ACOXL: variants seen among roughly 807,000 people sequenced by gnomAD.
ACOXL encodes acyl-CoA oxidase like.
Under a neutral mutation model 71.9 loss-of-function variants are expected in ACOXL, and 70 were observed. The ratio of observed to expected loss-of-function variants is 0.97; its 90% CI spans 0.80 to 1.19. The LOEUF is 1.19. Ranked by LOEUF, ACOXL falls within the 50% of genes most tolerant of loss-of-function variation. ACOXL has a pLI of 0.00. For missense variants in ACOXL, 703 were observed against 736.3 expected (o/e 0.95, Z 0.52); for synonymous variants, 253 against 281.6 (o/e 0.90, Z 1.02).
chr2:110,959,463 CCTT>C (rs891165327), intron 12 of ACOXL, among the ~76,000 whole-genome samples: 1 of 152,180 alleles, frequency 6.6e-6, no homozygotes, highest in African/African-American at 2.4e-5. Context: ...CTGGTTTCCT[CCTT>C]CTCCACTTCC....
chr2:110,746,936 A>G (rs571414645), intron 1 of ACOXL, among the ~76,000 whole-genome samples: 85 of 152,238 alleles, frequency 5.6e-4, no homozygotes, highest in African/African-American at 2.0e-3. Context: ...TACTTAGGTC[A>G]TAAGTCAAAT....
chr2:111,088,678 G>A (rs1245689300), intron 16 of ACOXL, among the ~76,000 whole-genome samples: 5 of 152,038 alleles, frequency 3.3e-5, no homozygotes, highest in South Asian at 4.1e-4. Context: ...CATAACTATC[G>A]GGTACTAGGC....
chr2:110,827,899 ATCT>A (rs753739359), intron 9 of ACOXL, among the ~76,000 whole-genome samples: 8 of 152,212 alleles, frequency 5.3e-5, no homozygotes, highest in Non-Finnish European at 1.2e-4. Context: ...TTGCTAAATA[ATCT>A]TCTTAACTGC....
chr2:111,108,371 CTTT>C (rs1225889982), intron 17 of ACOXL, among the ~76,000 whole-genome samples: 2 of 71,036 alleles, frequency 2.8e-5, no homozygotes, highest in East Asian at 4.8e-4. Context: ...GTGCATGAAT[CTTT>C]TTTTTTTTTT....
At chr2:110,955,441 TCTC>T (rs2061463786) in intron 12 of ACOXL, among the ~76,000 whole-genome samples, 1 of 150,606 alleles carries the variant, frequency 6.6e-6, no homozygotes, top group Non-Finnish European at 1.5e-5. Context: ...TCTCTCTCTC[TCTC>T]TCTCTCTCTC....
intron 10 of ACOXL, among the ~76,000 whole-genome samples, chr2:110,873,278 A>G (rs1377274563): frequency 6.6e-6 from 1 of 151,876 alleles, no homozygotes; most frequent in Non-Finnish European, 1.5e-5. Flanking sequence ...CAGGCACGCC[A>G]TCGTTTGATG....
chr2:110,874,214 G>A (rs185627431), intron 10 of ACOXL, among the ~76,000 whole-genome samples: 2 of 152,228 alleles, frequency 1.3e-5, no homozygotes, highest in Admixed American at 6.5e-5. Context: ...ATGCTTTTGG[G>A]GGGGTGGTGA....
In ACOXL at chr2:110,953,747, G is replaced by A. The variant is rs189105564; in HGVS notation, c.1059+20105G>A. 5.5e-3 allele frequency among the ~76,000 whole-genome samples: 842 copies of A among 152,320 alleles called. 8 individuals are homozygous for A. Among genetic ancestry groups the A allele is most frequent in the Admixed American group, 0.01 (155 of 15,294 alleles). ...CACAGGCTGTAGAGGAAGCATGGGT[G>A]GGTGTCCTCAGGAAACTTACAATCA... On this transcript the variant is annotated intron_variant, in intron 12 of 17. Coordinates refer to ENST00000439055, the MANE Select transcript of ACOXL (RefSeq NM_001142807.4).
chr2:110,988,857 T>TTTTGTGTGTG (rs1553449885), intron 13 of ACOXL, among the ~76,000 whole-genome samples: 1 of 143,386 alleles, frequency 7.0e-6, no homozygotes, highest in Non-Finnish European at 1.5e-5. Context: ...CCTATTTTTA[T>TTTTGTGTGTG]TGTGTGTGTG....
chr2:111,029,698 A>AG (rs2065177951), intron 14 of ACOXL, among the ~76,000 whole-genome samples: 1 of 152,030 alleles, frequency 6.6e-6, no homozygotes, highest in Non-Finnish European at 1.5e-5. Flanking sequence ...GCGGGTCTGG[A>AG]GGTGGGGCCA....
At chr2:110,770,806 C>T (rs577373459) in intron 2 of ACOXL, among the ~76,000 whole-genome samples, 1 of 152,354 alleles carries the variant, frequency 6.6e-6, no homozygotes, top group South Asian at 2.1e-4. Flanking sequence ...CTCCCTTAAT[C>T]AGCCCAACAT....
chr2:110,965,164 T>C (rs1183438518), intron 12 of ACOXL, among the ~76,000 whole-genome samples: 1 of 152,248 alleles, frequency 6.6e-6, no homozygotes, highest in Non-Finnish European at 1.5e-5. Flanking sequence ...ATTTCATTTT[T>C]TATGGCCAAA....
At chr2:110,843,056 CTGTGTGGTAT>C (rs1691364775) in intron 10 of ACOXL, among the ~76,000 whole-genome samples, 2 of 152,166 alleles carry the variant, frequency 1.3e-5, no homozygotes, top group Admixed American at 1.3e-4. Flanking sequence ...CTAAAACCAA[CTGTGTGGTAT>C]GGTGGGGTGC....
At chr2:110,935,599 C>G (rs1033620818) in intron 12 of ACOXL, among the ~76,000 whole-genome samples, 4 of 152,194 alleles carry the variant, frequency 2.6e-5, no homozygotes, top group Non-Finnish European at 5.9e-5. Context: ...GCTGGAATGC[C>G]AGCCCCCCAG....
intron 1 of ACOXL, among the ~76,000 whole-genome samples, chr2:110,740,056 A>G (rs1399172601): frequency 3.9e-5 from 6 of 152,244 alleles, no homozygotes; most frequent in African/African-American, 1.2e-4. Context: ...CAATTGTACC[A>G]AATTTAATTA....
chr2:111,073,882 A>G (rs2067465606), intron 16 of ACOXL, among the ~76,000 whole-genome samples: 2 of 152,184 alleles, frequency 1.3e-5, no homozygotes, highest in South Asian at 4.1e-4. Flanking sequence ...GACTCTTCCG[A>G]TCCATTTTAT....
intron 13 of ACOXL, among the ~76,000 whole-genome samples, chr2:110,994,703 C>G (rs1054597746): frequency 6.6e-6 from 1 of 152,196 alleles, no homozygotes; most frequent in African/African-American, 2.4e-5. Flanking sequence ...GTGCTTACCT[C>G]TCTTAACTCC....
intron 15 of ACOXL, among the ~76,000 whole-genome samples, chr2:111,032,739 A>G (rs898698871): frequency 6.6e-6 from 1 of 152,174 alleles, no homozygotes; most frequent in Admixed American, 6.5e-5. Flanking sequence ...TATTATGGCC[A>G]GGAACCTAGG....
Position 110,760,289 on chromosome 2 carries a change from A to G in ACOXL, c.-22-8079A>G, listed in dbSNP as rs555430749. 2.6e-5 allele frequency among the ~76,000 whole-genome samples: 4 copies of G among 151,636 alleles called. No homozygotes were observed. The East Asian group carries it at 7.8e-4, about 29-fold the overall frequency. On this transcript the variant is annotated intron_variant, in intron 1 of 17. Transcript: ENST00000439055. ...CGAGTAGCTGGGACTACAGGCACTG[A>G]CCGCCACCACGCCTGGCTAATTTTT...
Sources: allele counts gnomAD v4.1 joint callset (sites outside exome capture counted in the v4.1 genomes callset), GRCh38; gene constraint gnomAD v4.1.1; transcripts MANE v1.5; gene names NCBI Gene and HGNC (gene_info 2026-07-23, HGNC 2026-07-21).